SORCS3: variants seen among roughly 807,000 people sequenced by gnomAD.
SORCS3 encodes sortilin related VPS10 domain containing receptor 3.
In SORCS3, 57 loss-of-function variants were observed where a neutral mutation model predicts 146.3. The observed-to-expected ratio is 0.39, with a 90% CI of 0.31 to 0.49. The LOEUF is 0.49. Among genes scored for constraint, SORCS3 ranks in the 20% least tolerant of loss-of-function variants. The probability of loss-of-function intolerance (pLI) is 0.92; values close to 1 mark genes in which losing one functional copy is unlikely to be tolerated. For missense variants in SORCS3, 1,341 were observed against 1,575.5 expected, an observed-to-expected ratio of 0.85 and a Z score of 2.52; for synonymous variants, 653 against 618.5, an observed-to-expected ratio of 1.06 and a Z score of -0.83.
At chr10:105,027,332 C>T (rs757187906) in intron 4 of SORCS3, among the ~76,000 whole-genome samples, 15 of 152,228 alleles carry the variant, frequency 9.9e-5, no homozygotes, top group African/African-American at 1.7e-4. Flanking sequence ...ATTGTGTTCA[C>T]GGATCATAAT....
At chr10:104,742,762 G>A (rs1307193829) in intron 1 of SORCS3, among the ~76,000 whole-genome samples, 1 of 152,186 alleles carries the variant, frequency 6.6e-6, no homozygotes, top group African/African-American at 2.4e-5. Flanking sequence ...CACAGTAAGC[G>A]CAGGGAGACT....
At chr10:105,092,262 T>C (rs550144030) in intron 6 of SORCS3, among the ~76,000 whole-genome samples, 2 of 152,280 alleles carry the variant, frequency 1.3e-5, no homozygotes, top group East Asian at 3.9e-4. Context: ...ATTCAATAAT[T>C]GAATAAAGGC....
chr10:105,169,782 C>T (rs1251515663), intron 13 of SORCS3, among the ~76,000 whole-genome samples: 1 of 152,138 alleles, frequency 6.6e-6, no homozygotes. Context: ...GAGAAGACAG[C>T]TTGAGTCTTA....
At chr10:104,919,584 G>A (rs1200074395) in intron 3 of SORCS3, among the ~76,000 whole-genome samples, 1 of 152,068 alleles carries the variant, frequency 6.6e-6, no homozygotes, top group Non-Finnish European at 1.5e-5. Context: ...AGCTACTCAG[G>A]AGGCTGAGGC....
intron 7 of SORCS3, among the ~76,000 whole-genome samples, chr10:105,120,557 C>T (rs76312138): frequency 6.6e-6 from 1 of 152,094 alleles, no homozygotes; most frequent in African/African-American, 2.4e-5. Context: ...ATGGCAATCT[C>T]CTTGCTCCAT....
At chr10:104,797,916 T>C (rs1211375110) in intron 1 of SORCS3, among the ~76,000 whole-genome samples, 1 of 152,182 alleles carries the variant, frequency 6.6e-6, no homozygotes, top group East Asian at 1.9e-4. Context: ...GTTTTCTGGG[T>C]CCCAGCTCAG....
intron 1 of SORCS3, among the ~76,000 whole-genome samples, chr10:104,837,964 G>T (rs549312623): frequency 5.9e-5 from 9 of 152,302 alleles, no homozygotes; most frequent in Middle Eastern, 6.8e-3. Flanking sequence ...TGCTGGTTGT[G>T]TGCTGTGGGG....
At chr10:104,742,959 A>C (rs1255193684) in intron 1 of SORCS3, among the ~76,000 whole-genome samples, 1 of 152,230 alleles carries the variant, frequency 6.6e-6, no homozygotes, top group Non-Finnish European at 1.5e-5. Context: ...TGTGTGTAAG[A>C]AGCTTGGATA....
intron 18 of SORCS3, among the ~76,000 whole-genome samples, 189 bp downstream of exon 18, chr10:105,214,802 C>A (rs1384629940): frequency 1.3e-5 from 2 of 152,206 alleles, no homozygotes; most frequent in African/African-American, 4.8e-5. Context: ...TCCCTTTATC[C>A]CACAATAAAG....
chr10:104,772,406 TG>T (rs1485427843), intron 1 of SORCS3, among the ~76,000 whole-genome samples: 1 of 152,210 alleles, frequency 6.6e-6, no homozygotes, highest in Non-Finnish European at 1.5e-5. Context: ...GCTTCTCTGG[TG>T]TCTCTGATTA....
At chr10:104,898,996 A>G (rs951970520) in intron 2 of SORCS3, among the ~76,000 whole-genome samples, 4 of 152,100 alleles carry the variant, frequency 2.6e-5, no homozygotes, top group Non-Finnish European at 5.9e-5. Context: ...TCCTACACTC[A>G]CTTTATTCTC....
intron 1 of SORCS3, among the ~76,000 whole-genome samples, chr10:104,645,365 C>A (rs1188163802): frequency 3.9e-5 from 6 of 152,186 alleles, no homozygotes; most frequent in African/African-American, 1.4e-4. Context: ...GAAGAAGCCT[C>A]CCTGCTTGCT....
chr10:105,028,574 A>T (rs138715503), intron 4 of SORCS3, among the ~76,000 whole-genome samples: 58 of 152,280 alleles, frequency 3.8e-4, no homozygotes, highest in African/African-American at 1.4e-3. Context: ...TGGGCCATGA[A>T]ATCAAACAGC....
intron 4 of SORCS3, among the ~76,000 whole-genome samples, chr10:104,982,987 G>T (rs1250975021): frequency 6.6e-6 from 1 of 152,080 alleles, no homozygotes; most frequent in Non-Finnish European, 1.5e-5. Context: ...GTCACCCCAA[G>T]CATGCTTTTT....
intron 13 of SORCS3, among the ~76,000 whole-genome samples, chr10:105,172,882 G>T (rs1301697396): frequency 6.6e-6 from 1 of 152,050 alleles, no homozygotes; most frequent in East Asian, 1.9e-4. Context: ...TTAACTTGTA[G>T]TTGACAAATG....
intron 2 of SORCS3, among the ~76,000 whole-genome samples, chr10:104,845,929 C>T (rs1424900738): frequency 1.3e-5 from 2 of 151,992 alleles, no homozygotes; most frequent in African/African-American, 4.8e-5. Context: ...GAGTGCTGGA[C>T]CAGGTCCGGA....
intron 1 of SORCS3, among the ~76,000 whole-genome samples, chr10:104,782,689 G>A (rs1214919424): frequency 6.6e-6 from 1 of 152,158 alleles, no homozygotes; most frequent in Non-Finnish European, 1.5e-5. Flanking sequence ...CAAGAGTCAG[G>A]CATGAGCTCA....
chr10:104,746,408 T>A (rs978455660), intron 1 of SORCS3, among the ~76,000 whole-genome samples: 3 of 152,220 alleles, frequency 2.0e-5, no homozygotes, highest in Admixed American at 1.3e-4. Context: ...AGTGCTGGGA[T>A]TACAGGCGTG....
chr10:104,766,105 A>C (rs2133480187), intron 1 of SORCS3, among the ~76,000 whole-genome samples: 1 of 152,356 alleles, frequency 6.6e-6, no homozygotes, highest in African/African-American at 2.4e-5. Context: ...TGCTGCATTC[A>C]GCAGGGTTCC....
Sources: allele counts gnomAD v4.1 joint callset (sites outside exome capture counted in the v4.1 genomes callset), GRCh38; gene constraint gnomAD v4.1.1; transcripts MANE v1.5; gene names NCBI Gene and HGNC (gene_info 2026-07-23, HGNC 2026-07-21).